The following TBC1D19 variants were observed in gnomAD, a reference collection of about 807,000 sequenced individuals.
TBC1D19 encodes TBC1 domain family, member 19.
In TBC1D19, 60 loss-of-function variants were observed where a neutral mutation model predicts 89.0. The ratio of observed to expected loss-of-function variants is 0.67; its 90% CI spans 0.55 to 0.84. The LOEUF is 0.84. TBC1D19 is among the 40% of genes least tolerant of loss of function. The pLI is 0.00. For synonymous variants in TBC1D19, 189 were observed against 199.7 expected (o/e 0.95, Z 0.45); for missense variants, 500 against 610.8 (o/e 0.82, Z 1.91).
chr4:26,589,983 T>C (rs973104027), intron 1 of TBC1D19, among the ~76,000 whole-genome samples: 2 of 152,218 alleles, frequency 1.3e-5, no homozygotes, highest in Non-Finnish European at 2.9e-5. Flanking sequence ...GGCATAGACC[T>C]ATGGAAAAGA....
At chr4:26,603,263 ATT>A (rs1195157343) in intron 1 of TBC1D19, among the ~76,000 whole-genome samples, 2 of 152,238 alleles carry the variant, frequency 1.3e-5, no homozygotes, top group Non-Finnish European at 2.9e-5. Context: ...CATTACTTTT[ATT>A]TAATGATATG....
the TBC1D19 span, among the ~76,000 whole-genome samples, chr4:26,784,274 A>G: frequency 6.6e-6 from 1 of 152,212 alleles, no homozygotes; most frequent in African/African-American, 2.4e-5. Context: ...CCAGAATCCC[A>G]GGAGATACCC....
At chr4:26,625,722 C>T (rs1364589175) in intron 4 of TBC1D19, among the ~76,000 whole-genome samples, 1 of 152,074 alleles carries the variant, frequency 6.6e-6, no homozygotes, top group Non-Finnish European at 1.5e-5. Flanking sequence ...TAGAATATCC[C>T]TCTCTTGGAA....
chr4:26,841,492 T>C, the TBC1D19 span, among the ~76,000 whole-genome samples: 1 of 152,154 alleles, frequency 6.6e-6, no homozygotes, highest in African/African-American at 2.4e-5. Context: ...ATCCTTGGGA[T>C]TGCCCATCTG....
At chr4:26,768,681 A>C in the TBC1D19 span, among the ~76,000 whole-genome samples, 3 of 152,178 alleles carry the variant, frequency 2.0e-5, no homozygotes, top group African/African-American at 7.2e-5. Flanking sequence ...CTAAGATGAA[A>C]AGGAACTGCT....
chr4:26,811,184 AATGAGTTCTTGTCCTTTGC>A, the TBC1D19 span, among the ~76,000 whole-genome samples: 3 of 152,252 alleles, frequency 2.0e-5, no homozygotes, highest in Non-Finnish European at 4.4e-5. Flanking sequence ...CATAAAAAAG[AATGAGTTCTTGTCCTTTGC>A]AGGGACATGG....
At chr4:26,857,860 T>C in the TBC1D19 span, 2 of 152,392 alleles carry the variant, frequency 1.3e-5, no homozygotes, top group African/African-American at 4.8e-5. Context: ...GAGGAGCCGG[T>C]GCACGGATCC....
intron 7 of TBC1D19, among the ~76,000 whole-genome samples, chr4:26,652,481 C>T (rs1490234080): frequency 6.6e-6 from 1 of 152,114 alleles, no homozygotes; most frequent in African/African-American, 2.4e-5. Context: ...CTCAAGCTAT[C>T]CTCCCACCTC....
the TBC1D19 span, among the ~76,000 whole-genome samples, chr4:26,786,988 C>T: frequency 6.6e-6 from 1 of 152,054 alleles, no homozygotes; most frequent in East Asian, 1.9e-4. Flanking sequence ...ACAATCGCCT[C>T]ACTTATAAAA....
chr4:26,834,879 T>C, the TBC1D19 span, among the ~76,000 whole-genome samples: 4 of 152,280 alleles, frequency 2.6e-5, no homozygotes, highest in East Asian at 7.7e-4. Context: ...CTCCCAAGGT[T>C]CAGACCCAGC....
chr4:26,700,006 G>C (rs1577955030), intron 13 of TBC1D19, among the ~76,000 whole-genome samples: 1 of 150,950 alleles, frequency 6.6e-6, no homozygotes, highest in South Asian at 2.1e-4. Flanking sequence ...AGAACTTAAA[G>C]TATAATAATA....
chr4:26,806,508 C>T, the TBC1D19 span, among the ~76,000 whole-genome samples: 1 of 152,204 alleles, frequency 6.6e-6, no homozygotes, highest in Non-Finnish European at 1.5e-5. Context: ...ATGTGTCTGC[C>T]TCCTCAGTAA....
intron 9 of TBC1D19, among the ~76,000 whole-genome samples, chr4:26,669,419 A>G (rs1712089990): frequency 6.6e-6 from 1 of 151,744 alleles, no homozygotes; most frequent in South Asian, 2.1e-4. Flanking sequence ...ATTTTAACAG[A>G]AGTTTTTTTC....
chr4:26,704,965 T>A (rs560754261), intron 13 of TBC1D19, among the ~76,000 whole-genome samples: 110 of 152,248 alleles, frequency 7.2e-4, no homozygotes, highest in African/African-American at 2.6e-3. Flanking sequence ...TCCTAATGGG[T>A]ATGAAATGAT....
intron 7 of TBC1D19, among the ~76,000 whole-genome samples, chr4:26,650,637 CA>C (rs1744297096): frequency 6.6e-6 from 1 of 152,106 alleles, no homozygotes; most frequent in Non-Finnish European, 1.5e-5. Context: ...GAGTAGATTG[CA>C]AAAATTTTCT....
chr4:26,778,445 GAGGGAAGGGGGA>G, the TBC1D19 span, among the ~76,000 whole-genome samples: 778 of 142,112 alleles, frequency 5.5e-3, 4 homozygotes, highest in African/African-American at 0.019. Flanking sequence ...AAGAGAAGGG[GAGGGAAGGGGGA>G]AGGGAAGGGG....
At chr4:26,745,859 G>A (rs573674679) in intron 18 of TBC1D19, among the ~76,000 whole-genome samples, 5 of 151,892 alleles carry the variant, frequency 3.3e-5, no homozygotes, top group African/African-American at 1.2e-4. Flanking sequence ...TAAACTTCAG[G>A]CCTAGATGGC....
chr4:26,703,782 T>A (rs1215403368), intron 13 of TBC1D19, among the ~76,000 whole-genome samples: 2 of 150,442 alleles, frequency 1.3e-5, no homozygotes, highest in Non-Finnish European at 3.0e-5. Context: ...TGAAACCCCA[T>A]CTCTACTAAA....
At chr4:26,836,206 A>G in the TBC1D19 span, among the ~76,000 whole-genome samples, 2 of 152,192 alleles carry the variant, frequency 1.3e-5, no homozygotes, top group Non-Finnish European at 2.9e-5. Context: ...GTAATTGCTT[A>G]TTTAATTGTA....
Sources: allele counts gnomAD v4.1 joint callset (sites outside exome capture counted in the v4.1 genomes callset), GRCh38; gene constraint gnomAD v4.1.1; transcripts MANE v1.5; gene names NCBI Gene and HGNC (gene_info 2026-07-23, HGNC 2026-07-21).